SPHKAP: variants seen among roughly 807,000 people sequenced by gnomAD.
SPHKAP encodes A-kinase anchor protein SPHKAP.
In SPHKAP, 67 loss-of-function variants were observed where a neutral mutation model predicts 137.5. That is an observed-to-expected ratio of 0.49 (90% CI 0.40 to 0.60). The LOEUF is 0.60. SPHKAP is among the 20% of genes least tolerant of loss of function. The probability of loss-of-function intolerance (pLI) is 0.00; values close to 1 mark genes in which losing one functional copy is unlikely to be tolerated. For missense variants in SPHKAP, 2,097 were observed against 2,069.3 expected (o/e 1.01, Z -0.26); for synonymous variants, 813 against 785.3 (o/e 1.04, Z -0.59).
At chr2:228,046,291 C>CTTTTTTTTTTTTT (rs58510792) in intron 3 of SPHKAP, among the ~76,000 whole-genome samples, 48 of 82,514 alleles carry the variant, frequency 5.8e-4, no homozygotes, top group South Asian at 1.0e-3. Flanking sequence ...TGTTGTTATT[C>CTTTTTTTTTTTTT]TTTTTTTTTT....
At chr2:228,118,629 T>G (rs529898825) in intron 2 of SPHKAP, among the ~76,000 whole-genome samples, 1 of 152,276 alleles carries the variant, frequency 6.6e-6, no homozygotes, top group South Asian at 2.1e-4. Context: ...ATATCTTTTT[T>G]CTTTTCAAGA....
At chr2:228,092,142 C>CAT (rs1697766414) in intron 3 of SPHKAP, among the ~76,000 whole-genome samples, 1 of 129,538 alleles carries the variant, frequency 7.7e-6, no homozygotes, top group Non-Finnish European at 1.6e-5. Context: ...TGTGTGTACA[C>CAT]ATATATACAT....
At chr2:228,168,729 A>G (rs1322131565) in intron 1 of SPHKAP, among the ~76,000 whole-genome samples, 2 of 152,130 alleles carry the variant, frequency 1.3e-5, no homozygotes, top group Non-Finnish European at 1.5e-5. Context: ...AAATGAAAGG[A>G]AAAGTCACAC....
intron 9 of SPHKAP, among the ~76,000 whole-genome samples, chr2:227,993,201 G>A (rs756428242): frequency 4.8e-4 from 73 of 152,292 alleles, no homozygotes; most frequent in Middle Eastern, 3.4e-3. Flanking sequence ...TTATAGTGAA[G>A]ACTATTGAGT....
At chr2:228,067,976 T>A (rs1021525965) in intron 3 of SPHKAP, among the ~76,000 whole-genome samples, 16 of 152,120 alleles carry the variant, frequency 1.1e-4, no homozygotes, top group African/African-American at 3.9e-4. Flanking sequence ...CTTATATTTA[T>A]AAAAACCTAA....
At chr2:228,044,790 A>C (rs1486320816) in intron 3 of SPHKAP, among the ~76,000 whole-genome samples, 2 of 152,162 alleles carry the variant, frequency 1.3e-5, no homozygotes, top group Non-Finnish European at 2.9e-5. Context: ...ACTAAAATAG[A>C]ATCTGGAGAG....
At chr2:228,099,628 T>G (rs1698119325) in intron 3 of SPHKAP, among the ~76,000 whole-genome samples, 2 of 152,228 alleles carry the variant, frequency 1.3e-5, no homozygotes, top group South Asian at 4.1e-4. Flanking sequence ...TACGGCCATT[T>G]TAATGATATT....
intron 3 of SPHKAP, among the ~76,000 whole-genome samples, chr2:228,077,131 G>A (rs1483953256): frequency 6.6e-6 from 1 of 152,158 alleles, no homozygotes; most frequent in African/African-American, 2.4e-5. Context: ...TGAGGTTTGG[G>A]AACCTCCGCT....
intron 7 of SPHKAP, among the ~76,000 whole-genome samples, chr2:228,011,185 G>T (rs146578653): frequency 6.6e-6 from 1 of 151,772 alleles, no homozygotes; most frequent in Non-Finnish European, 1.5e-5. Flanking sequence ...TTCTCAAGGG[G>T]ATTGTTTTCT....
rs763784984 is a variant in SPHKAP, at chr2:228,018,402, GACT to G, written c.2449_2451del (p.Ser817del). 20 of 1,613,994 alleles carry G rather than the reference GACT, an allele frequency of 1.2e-5. No individual in the cohort carries two copies. The highest frequency in any genetic ancestry group is 1.6e-5 in the Non-Finnish European group (19 of 1,179,988). On this transcript the variant is annotated inframe_deletion, in exon 7 of 12. Transcript: ENST00000392056. ...GCAGTTGAAGAATCGGGCACTCTGTGACTACGTGATAATTGTGACTGCAGCGTG... is the reference window on the plus strand; with the variant it reads ...GCAGTTGAAGAATCGGGCACTCTGTGACGTGATAATTGTGACTGCAGCGTG...
chr2:228,137,678 T>C (rs986588454), intron 1 of SPHKAP, among the ~76,000 whole-genome samples: 1 of 151,728 alleles, frequency 6.6e-6, no homozygotes, highest in African/African-American at 2.4e-5. Flanking sequence ...ATCCCAACAC[T>C]AGAAAAAAAA....
chr2:228,010,526 C>T (rs1694329578), intron 7 of SPHKAP, among the ~76,000 whole-genome samples: 1 of 152,086 alleles, frequency 6.6e-6, no homozygotes, highest in Non-Finnish European at 1.5e-5. Flanking sequence ...AGCGAAACTC[C>T]ATCTCAAAAA....
Position 228,017,046 on chromosome 2 carries a change from C to T in SPHKAP, c.3808G>A (p.Asp1270Asn). The T allele has an allele frequency of 6.2e-7, 1 of 1,614,084 alleles. No individual in the cohort carries two copies. The highest frequency in any genetic ancestry group is 8.5e-7 in the Non-Finnish European group (1 of 1,180,006). ...CTGACCGGCTGCACGCTTAGGAAAT[C>T]TTGTGGGCAGTTCTGAGCAAAGCCA... is the stretch of plus-strand genomic sequence containing the variant. ...LDGFAQNCPQ[D>N]FLSVQPVSSA... is the part of the protein sequence containing the mutation. The change falls in exon 7 of 12, where the codon GAT becomes AAT. Residue 1270 changes from aspartate (D) to asparagine (N), a missense_variant. Physicochemically the swap from Asp to Asn is conservative, Grantham distance 23 (BLOSUM62 1). Coordinates refer to ENST00000392056, the MANE Select transcript of SPHKAP (RefSeq NM_001142644.2).
At chr2:227,991,505 G>A (rs1249384988) in intron 9 of SPHKAP, 179 bp from the exon 10 acceptor site, 3 of 985,276 alleles carry the variant, frequency 3.0e-6, no homozygotes, top group Non-Finnish European at 3.6e-6. Flanking sequence ...TAAGATCACT[G>A]GGTCTGCAAT....
intron 2 of SPHKAP, among the ~76,000 whole-genome samples, chr2:228,121,297 G>A (rs1340045705): frequency 6.6e-6 from 1 of 152,086 alleles, no homozygotes; most frequent in Non-Finnish European, 1.5e-5. Context: ...ATGACTTGAG[G>A]CCAGGAGTTC....
At chr2:228,087,744 T>C (rs1013102389) in intron 3 of SPHKAP, among the ~76,000 whole-genome samples, 10 of 152,176 alleles carry the variant, frequency 6.6e-5, no homozygotes, top group Admixed American at 3.3e-4. Flanking sequence ...GACAGGGATA[T>C]GCAACCTGTA....
intron 3 of SPHKAP, among the ~76,000 whole-genome samples, chr2:228,066,113 G>C (rs187464078): frequency 9.3e-4 from 141 of 152,298 alleles, no homozygotes; most frequent in African/African-American, 3.2e-3. Context: ...TAGAGACTAA[G>C]AGCCAAGCAA....
At chr2:227,998,859 G>T (rs865816998) in intron 7 of SPHKAP, among the ~76,000 whole-genome samples, 1 of 152,200 alleles carries the variant, frequency 6.6e-6, no homozygotes. Context: ...ATATATTTCT[G>T]CAGAGAACTC....
rs148334825 is a variant in SPHKAP, at chr2:228,162,374, C to G, written c.32+19193G>C. Among the ~76,000 whole-genome samples the G allele has an allele frequency of 3.7e-3, 563 of 152,288 alleles. 2 individuals carry two copies. Among genetic ancestry groups the G allele is most frequent in the African/African-American group, 0.013 (527 of 41,562 alleles). ...TATAAGTAATATCTTGTGGAAATGTCTCTTATATTTGAAGTATTCTAACTG... is the reference window on the plus strand; with the variant it reads ...TATAAGTAATATCTTGTGGAAATGTGTCTTATATTTGAAGTATTCTAACTG... On this transcript the variant is annotated intron_variant, in intron 1 of 11. Coordinates refer to ENST00000392056, the MANE Select transcript of SPHKAP (RefSeq NM_001142644.2).
Sources: allele counts gnomAD v4.1 joint callset (sites outside exome capture counted in the v4.1 genomes callset), GRCh38; gene constraint gnomAD v4.1.1; transcripts MANE v1.5; gene names NCBI Gene and HGNC (gene_info 2026-07-23, HGNC 2026-07-21).